Variants in ZNF407 observed in about 807,000 individuals in gnomAD.
ZNF407 encodes zinc finger protein 407.
A neutral mutation model predicts 131.2 loss-of-function variants in ZNF407; 17 were observed. The observed-to-expected ratio is 0.13, with a 90% CI of 0.09 to 0.19. The LOEUF (loss-of-function observed/expected upper bound fraction) is 0.19, where lower values mean the gene tolerates loss of function less well. Ranked by LOEUF, ZNF407 falls within the 10% of genes least tolerant of loss-of-function variation. The probability of loss-of-function intolerance (pLI) is 1.00; values close to 1 mark genes in which losing one functional copy is unlikely to be tolerated. For synonymous variants in ZNF407, 1,156 were observed against 1,062.0 expected (o/e 1.09, Z -1.72); for missense variants, 2,681 against 2,830.6 (o/e 0.95, Z 1.20).
chr18:74,623,837 A>C (rs1983671012), intron 1 of ZNF407, among the ~76,000 whole-genome samples: 1 of 152,166 alleles, frequency 6.6e-6, no homozygotes, highest in South Asian at 2.1e-4. Context: ...CATGGAGCTT[A>C]TGTTGACAGT....
rs371736215 is a variant in ZNF407, at chr18:74,608,960, A to AT, written c.-54+11033dup. Among the ~76,000 whole-genome samples the AT allele has an allele frequency of 5.2e-3, 784 of 149,582 alleles. 4 individuals carry two copies. Among genetic ancestry groups the AT allele is most frequent in the African/African-American group, 0.016 (640 of 40,894 alleles). ...TTTTTTTCTTTGTGATTAATGACTC[A>AT]TTTTTTTTTTGATTTTGGTGCAGAA... On this transcript the variant is annotated intron_variant, in intron 1 of 8. Coordinates refer to ENST00000299687, the MANE Select transcript of ZNF407 (RefSeq NM_017757.3).
intron 7 of ZNF407, among the ~76,000 whole-genome samples, chr18:74,904,051 A>T (rs962745228): frequency 6.6e-6 from 1 of 152,182 alleles, no homozygotes; most frequent in East Asian, 1.9e-4. Context: ...TTCTGTGGCC[A>T]TGAAGGCCCT....
At chr18:74,815,281 T>C (rs1970252720) in intron 4 of ZNF407, among the ~76,000 whole-genome samples, 1 of 152,178 alleles carries the variant, frequency 6.6e-6, no homozygotes, top group Admixed American at 6.5e-5. Context: ...TGATCTTACT[T>C]TGAAAAGTTG....
At chr18:74,655,477 A>G (rs989846426) in intron 3 of ZNF407, among the ~76,000 whole-genome samples, 23 of 152,132 alleles carry the variant, frequency 1.5e-4, no homozygotes, top group Non-Finnish European at 2.5e-4. Flanking sequence ...CCACTAGATT[A>G]TAGAAATCAC....
At chr18:75,013,033 G>A (rs1973000407) in intron 8 of ZNF407, among the ~76,000 whole-genome samples, 1 of 151,054 alleles carries the variant, frequency 6.6e-6, no homozygotes, top group South Asian at 2.1e-4. Context: ...ATTGTATCAT[G>A]AAAAGGAGAC....
chr18:74,669,694 A>G (rs1986066430), intron 3 of ZNF407, among the ~76,000 whole-genome samples: 1 of 152,270 alleles, frequency 6.6e-6, no homozygotes, highest in African/African-American at 2.4e-5. Flanking sequence ...GGCCTGTGGC[A>G]CGTGCTCATC....
At chr18:74,707,995 A>C (rs1351773541) in intron 3 of ZNF407, among the ~76,000 whole-genome samples, 3 of 152,250 alleles carry the variant, frequency 2.0e-5, no homozygotes, top group Non-Finnish European at 4.4e-5. Flanking sequence ...ATATGACATT[A>C]ATTTTTACTG....
chr18:74,631,127 A>G lies in ZNF407; in HGVS notation c.108A>G (p.Val36=), dbSNP rs781639318. The change falls in exon 2 of 9, where the codon GTA becomes GTG. Residue 36 remains valine, a synonymous_variant. Transcript: ENST00000299687. ...LSSHNEDGGP[V]SDVIASFPEN... Reference sequence around the variant, plus strand: ...CCCATAATGAAGACGGTGGGCCTGTATCTGATGTGATAGCAAGTTTCCCTG... The same window carrying G: ...CCCATAATGAAGACGGTGGGCCTGTGTCTGATGTGATAGCAAGTTTCCCTG... The G allele has an allele frequency of 6.2e-7, 1 of 1,613,972 alleles. No individual in the cohort carries two copies. The highest frequency in any genetic ancestry group is 8.5e-7 in the Non-Finnish European group (1 of 1,179,896).
chr18:74,840,546 AT>A (rs1305858556), intron 4 of ZNF407, among the ~76,000 whole-genome samples: 3 of 151,606 alleles, frequency 2.0e-5, no homozygotes, highest in African/African-American at 7.3e-5. Flanking sequence ...TACAGATTTT[AT>A]TTTATTTTTT....
chr18:74,910,395 C>T (rs953694512), intron 7 of ZNF407, among the ~76,000 whole-genome samples: 1 of 152,014 alleles, frequency 6.6e-6, no homozygotes, highest in Non-Finnish European at 1.5e-5. Flanking sequence ...TGGACTCTCC[C>T]TCCAGCTCCC....
chr18:74,835,249 A>C (rs1305410489), intron 4 of ZNF407, among the ~76,000 whole-genome samples: 1 of 152,090 alleles, frequency 6.6e-6, no homozygotes, highest in African/African-American at 2.4e-5. Context: ...AGTGTGGGAG[A>C]CTCACATACC....
At chr18:74,726,254 A>G (rs1968155360) in intron 3 of ZNF407, among the ~76,000 whole-genome samples, 1 of 152,128 alleles carries the variant, frequency 6.6e-6, no homozygotes, top group African/African-American at 2.4e-5. Flanking sequence ...TTGGATAATT[A>G]TGGCTGAGAG....
intron 8 of ZNF407, among the ~76,000 whole-genome samples, chr18:75,019,847 G>A (rs1226031837): frequency 1.3e-5 from 2 of 152,098 alleles, no homozygotes; most frequent in African/African-American, 4.8e-5. Context: ...AGAGAAGGGG[G>A]AGGTGATACA....
At chr18:74,782,228 G>A (rs1969616661) in intron 4 of ZNF407, among the ~76,000 whole-genome samples, 1 of 152,074 alleles carries the variant, frequency 6.6e-6, no homozygotes, top group Non-Finnish European at 1.5e-5. Context: ...CTCCAAGGTA[G>A]GATCCAAAAT....
chr18:74,891,041 A>C (rs1971377790), intron 7 of ZNF407, among the ~76,000 whole-genome samples: 1 of 152,228 alleles, frequency 6.6e-6, no homozygotes, highest in Non-Finnish European at 1.5e-5. Flanking sequence ...GCCTTCGTGC[A>C]GAAGAGTGTG....
intron 8 of ZNF407, among the ~76,000 whole-genome samples, chr18:75,051,514 G>A (rs1028548572): frequency 1.3e-5 from 2 of 152,208 alleles, no homozygotes; most frequent in Non-Finnish European, 2.9e-5. Context: ...TCAGCAGTGG[G>A]ATTTCGTTTC....
intron 4 of ZNF407, among the ~76,000 whole-genome samples, chr18:74,826,565 C>G (rs1284472350): frequency 6.6e-6 from 1 of 152,078 alleles, no homozygotes; most frequent in Non-Finnish European, 1.5e-5. Flanking sequence ...TTCGTAGGGT[C>G]AGGTAGGGAG....
chr18:74,740,438 G>A lies in ZNF407; in HGVS notation c.4803-40990G>A, dbSNP rs181357876. On this transcript the variant is annotated intron_variant, in intron 3 of 8. Transcript: ENST00000299687. ...TTACAGGTTCCAGGGGTTAGGACCC[G>A]ATATCTTTGGGGATCACCATTCAGC... 2.5e-3 allele frequency among the ~76,000 whole-genome samples: 375 copies of A among 152,246 alleles called. 2 individuals carry two copies. Among genetic ancestry groups the A allele is most frequent in the South Asian group, 0.017 (81 of 4,822 alleles).
chr18:74,751,420 T>C (rs968836455), intron 3 of ZNF407, among the ~76,000 whole-genome samples: 4 of 152,142 alleles, frequency 2.6e-5, no homozygotes, highest in Non-Finnish European at 5.9e-5. Flanking sequence ...ATGTGCACAA[T>C]GTGCAGGTTT....
Sources: allele counts gnomAD v4.1 joint callset (sites outside exome capture counted in the v4.1 genomes callset), GRCh38; gene constraint gnomAD v4.1.1; transcripts MANE v1.5; gene names NCBI Gene and HGNC (gene_info 2026-07-23, HGNC 2026-07-21).